JAKMIP1: variants seen among roughly 807,000 people sequenced by gnomAD.
The protein encoded by JAKMIP1 is janus kinase and microtubule-interacting protein 1.
JAKMIP1 carries 33 observed loss-of-function variants against 113.0 expected under a neutral mutation model. The ratio of observed to expected loss-of-function variants is 0.29; its 90% confidence interval spans 0.22 to 0.39. JAKMIP1 has a LOEUF of 0.39. JAKMIP1 is among the 10% of genes least tolerant of loss of function. The pLI is 1.00. For missense variants in JAKMIP1, 813 were observed against 1,080.5 expected, an observed-to-expected ratio of 0.75 and a Z score of 3.47; for synonymous variants, 480 against 459.9, an observed-to-expected ratio of 1.04 and a Z score of -0.56.
intron 1 of JAKMIP1, among the ~76,000 whole-genome samples, chr4:6,114,293 G>A (rs1377071698): frequency 6.6e-6 from 1 of 152,222 alleles, no homozygotes; most frequent in Non-Finnish European, 1.5e-5. Context: ...GGCTACAGAA[G>A]ATGGTGTGTC....
At position 6,150,329 on chromosome 4, in the gene JAKMIP1, G is replaced by C. The variant is rs1429991011; in HGVS notation, c.-147-37332C>G. 1 of 152,256 alleles carries C rather than the reference G, an allele frequency of 6.6e-6. No individual in the cohort carries two copies. Among genetic ancestry groups the C allele is most frequent in the Non-Finnish European group, 1.5e-5 (1 of 68,100 alleles). 9.4% of individuals were successfully genotyped at this position (152,256 alleles called of 1,614,324 possible). A position where few individuals can be genotyped will look rare whatever the true frequency, so the allele number is the denominator to read the frequency against. On this transcript the variant is annotated intron_variant, in intron 1 of 20. Coordinates refer to ENST00000409021, the MANE Select transcript of JAKMIP1 (RefSeq NM_001099433.2). This position sits in a 1 kb window ranked among gnomAD's most constrained non-coding sequence, Gnocchi z 4.8. ...AGTACAGAGAAGGAGAAACACCTCA[G>C]AGAAAGCAAGCAGACTGCGGAGACC...
At chr4:6,175,013 C>A (rs1037322139) in intron 1 of JAKMIP1, among the ~76,000 whole-genome samples, 1 of 152,182 alleles carries the variant, frequency 6.6e-6, no homozygotes, top group African/African-American at 2.4e-5. Context: ...CACAGGCTAT[C>A]CTCGGTTTCC....
In JAKMIP1 at chr4:6,188,857, A is replaced by G. The variant is rs147074275; in HGVS notation, c.-148+11396T>C. Among the ~76,000 whole-genome samples the G allele has an allele frequency of 8.9e-4, 135 of 152,312 alleles. 1 individual carries two copies. Among genetic ancestry groups the G allele is most frequent in the Non-Finnish European group, 1.7e-3 (113 of 68,022 alleles). ...TGGTACTTCCTGGGAGAGATAGATC[A>G]TGTCAGGAAAGCACCCATCTGCCCA... On this transcript the variant is annotated intron_variant, in intron 1 of 20. Coordinates refer to ENST00000409021, the MANE Select transcript of JAKMIP1 (RefSeq NM_001099433.2). The surrounding 1 kb of genome is among the most constrained non-coding windows in gnomAD (Gnocchi z 5.8).
At chr4:6,120,511 C>T (rs1224900466) in intron 1 of JAKMIP1, among the ~76,000 whole-genome samples, 4 of 152,180 alleles carry the variant, frequency 2.6e-5, no homozygotes, top group African/African-American at 9.7e-5. Flanking sequence ...TCAGCCCACT[C>T]AGAAACAGCC....
chr4:6,122,940 G>C (rs189769317), intron 1 of JAKMIP1, among the ~76,000 whole-genome samples: 4 of 152,146 alleles, frequency 2.6e-5, no homozygotes, highest in Admixed American at 6.5e-5. Flanking sequence ...GCATGAAATG[G>C]TTTCATACTT....
chr4:6,174,610 C>T (rs1275839309), intron 1 of JAKMIP1, among the ~76,000 whole-genome samples: 1 of 152,126 alleles, frequency 6.6e-6, no homozygotes, highest in Non-Finnish European at 1.5e-5. Flanking sequence ...GGAGAGGTCG[C>T]AACACTGCTG....
chr4:6,062,499 TTA>T, intron 9 of JAKMIP1, 59 bp from the exon 10 acceptor site: 1 of 1,533,264 alleles, frequency 6.5e-7, no homozygotes, highest in South Asian at 1.2e-5. Flanking sequence ...AATAAATGAT[TTA>T]TGATTGATTT....
chr4:6,132,056 A>G (rs1256965052), intron 1 of JAKMIP1, among the ~76,000 whole-genome samples: 2 of 152,232 alleles, frequency 1.3e-5, no homozygotes, highest in African/African-American at 4.8e-5. Context: ...ATAAAATAAA[A>G]TCATTTTTTA....
chr4:6,043,246 C>T (rs1282865901), intron 16 of JAKMIP1, among the ~76,000 whole-genome samples: 4 of 151,610 alleles, frequency 2.6e-5, no homozygotes, highest in South Asian at 2.1e-4. Flanking sequence ...CACCAGATCC[C>T]GGCTGTGGAG....
chr4:6,139,081 CACATATACACACACACACACACA>C lies in JAKMIP1; in HGVS notation c.-147-26107_-147-26085del, dbSNP rs1719699806. ...ACACACACACACACACACACACACA[CACATATACACACACACACACACA>C]CCAGCAGGTCAGCCCTGCTCTCCTC... On this transcript the variant is annotated intron_variant, in intron 1 of 20. Transcript: ENST00000409021. The surrounding 1 kb of genome is among the most constrained non-coding windows in gnomAD (Gnocchi z 5.2). Among the ~76,000 whole-genome samples, 5 of 37,466 alleles carry C rather than the reference CACATATACACACACACACACACA, an allele frequency of 1.3e-4. No homozygotes were observed. The highest frequency in any genetic ancestry group is 2.4e-3 in the East Asian group (2 of 832). 24.6% of individuals were successfully genotyped at this position (37,466 alleles called of 152,430 possible). A position where few individuals can be genotyped will look rare whatever the true frequency, so the allele number is the denominator to read the frequency against.
rs1262483213 is a variant in JAKMIP1 at position 6,042,109 on chromosome 4, C to T, written c.2097+50G>A. ...AAAGCCTTCCTGCAAATCAACCTCT[C>T]TGAGCTCTTTGAACCCTCTCCCCCA... On this transcript the variant is annotated intron_variant, in intron 17 of 20. Transcript: ENST00000409021. This position sits in a 1 kb window ranked among gnomAD's most constrained non-coding sequence, Gnocchi z 5.2. The T allele has an allele frequency of 7.0e-7, 1 of 1,437,414 alleles. No individual in the cohort carries two copies. The highest frequency in any genetic ancestry group is 9.8e-7 in the Non-Finnish European group (1 of 1,020,156). 89.0% of individuals were successfully genotyped at this position (1,437,414 alleles called of 1,614,324 possible).
At chr4:6,100,574 T>A (rs1012484532) in intron 3 of JAKMIP1, among the ~76,000 whole-genome samples, 14 of 152,222 alleles carry the variant, frequency 9.2e-5, no homozygotes, top group African/African-American at 3.4e-4. Flanking sequence ...TGTGTTTTCA[T>A]TTCTCTTGGG....
rs149259049 is a variant in JAKMIP1 at position 6,191,048 on chromosome 4, T to C, written c.-148+9205A>G. Reference sequence around the variant, plus strand: ...TGCCCATACTGGGGGATGCAGGGAGTGCAGAAAATGAACGTGAGGTTGGAA... The same window carrying C: ...TGCCCATACTGGGGGATGCAGGGAGCGCAGAAAATGAACGTGAGGTTGGAA... On this transcript the variant is annotated intron_variant, in intron 1 of 20. Coordinates refer to ENST00000409021, the MANE Select transcript of JAKMIP1 (RefSeq NM_001099433.2). 8.8e-3 allele frequency among the ~76,000 whole-genome samples: 1,331 copies of C among 152,058 alleles called. 23 individuals are homozygous for C. Among genetic ancestry groups the C allele is most frequent in the African/African-American group, 0.03 (1,251 of 41,470 alleles).
At chr4:6,048,180 G>A (rs577012425) in intron 16 of JAKMIP1, among the ~76,000 whole-genome samples, 43 of 152,324 alleles carry the variant, frequency 2.8e-4, no homozygotes, top group African/African-American at 6.0e-4. Flanking sequence ...TCTTTTCAGC[G>A]GTAACATGCC....
rs1050083688 is a variant in JAKMIP1, at chr4:6,188,135, A to G, written c.-148+12118T>C. On this transcript the variant is annotated intron_variant, in intron 1 of 20. Transcript: ENST00000409021. The surrounding 1 kb of genome is among the most constrained non-coding windows in gnomAD (Gnocchi z 5.8). ...TGGGAGCCAATCAATTATTTATCCA[A>G]GAGTCTCTGAACACCATCTACAAAA... is the stretch of plus-strand genomic sequence containing the variant. Among the ~76,000 whole-genome samples the G allele has an allele frequency of 1.3e-5, 2 of 152,166 alleles. No homozygotes were observed. The highest frequency in any genetic ancestry group is 2.9e-5 in the Non-Finnish European group (2 of 68,038).
At chr4:6,130,526 A>G (rs1718351711) in intron 1 of JAKMIP1, among the ~76,000 whole-genome samples, 1 of 152,216 alleles carries the variant, frequency 6.6e-6, no homozygotes, top group Non-Finnish European at 1.5e-5. Context: ...ACTAAAAGGC[A>G]AAAAAGAGAG....
chr4:6,101,732 C>CAA (rs56084278), intron 3 of JAKMIP1, among the ~76,000 whole-genome samples: 2 of 96,594 alleles, frequency 2.1e-5, no homozygotes, highest in African/African-American at 4.1e-5. Flanking sequence ...ACTAAAAATA[C>CAA]AAAAAAAAAA....
At chr4:6,114,389 A>T (rs957318836) in intron 1 of JAKMIP1, among the ~76,000 whole-genome samples, 1 of 152,208 alleles carries the variant, frequency 6.6e-6, no homozygotes, top group African/African-American at 2.4e-5. Context: ...GGCCTCCTGG[A>T]GTCCATGTGA....
intron 13 of JAKMIP1, among the ~76,000 whole-genome samples, chr4:6,052,019 C>T (rs1013263756): frequency 6.6e-6 from 1 of 152,038 alleles, no homozygotes; most frequent in African/African-American, 2.4e-5. Flanking sequence ...AATAATTCTA[C>T]TAAGAGATGT....
Sources: gnomAD v4.1 joint callset for allele counts (sites outside exome capture counted in the v4.1 genomes callset) on GRCh38, gnomAD v4.1.1 for gene constraint, Gnocchi (gnomAD v3.1) non-coding constraint, MANE v1.5 for transcripts, NCBI Gene and HGNC (gene_info 2026-07-23, HGNC 2026-07-21) for gene names.